The following ADRA1B variants were observed in gnomAD, a reference collection of about 807,000 sequenced individuals.
ADRA1B encodes alpha-1B adrenergic receptor.
In ADRA1B, 17 loss-of-function variants were observed where a neutral mutation model predicts 17.9. The observed-to-expected ratio is 0.95, with a 90% CI of 0.65 to 1.42. The LOEUF (loss-of-function observed/expected upper bound fraction) is 1.42, where lower values mean the gene tolerates loss of function less well. Among genes scored for constraint, ADRA1B ranks in the 40% most tolerant of loss-of-function variants. The pLI is 0.00. For missense variants in ADRA1B, 681 were observed against 722.1 expected (o/e 0.94, Z 0.65); for synonymous variants, 366 against 327.6 (o/e 1.12, Z -1.27).
At chr5:159,927,042 C>T (rs1375875530) in intron 1 of ADRA1B, among the ~76,000 whole-genome samples, 1 of 152,114 alleles carries the variant, frequency 6.6e-6, no homozygotes, top group African/African-American at 2.4e-5. Context: ...CAATCTGGGC[C>T]TGGTCATGAA....
At chr5:159,866,460 G>C (rs564078027) in intron 1 of ADRA1B, among the ~76,000 whole-genome samples, 12 of 152,066 alleles carry the variant, frequency 7.9e-5, no homozygotes, top group African/African-American at 2.9e-4. Context: ...GATAGCACAT[G>C]CCTGTAATCC....
chr5:159,895,795 G>A (rs1754035459), intron 1 of ADRA1B, among the ~76,000 whole-genome samples: 1 of 152,238 alleles, frequency 6.6e-6, no homozygotes, highest in Admixed American at 6.5e-5. Flanking sequence ...ACACCAAGCT[G>A]TGAGCTCCTG....
At chr5:159,980,152 G>C in the ADRA1B span, among the ~76,000 whole-genome samples, 16 of 152,148 alleles carry the variant, frequency 1.1e-4, no homozygotes, top group Admixed American at 1.0e-3. Context: ...CTGACAACTG[G>C]CCAGAAATGA....
intron 1 of ADRA1B, among the ~76,000 whole-genome samples, chr5:159,969,759 T>A (rs1042121852): frequency 2.6e-5 from 4 of 152,224 alleles, no homozygotes; most frequent in Admixed American, 2.0e-4. Flanking sequence ...CTAGAAAGTA[T>A]TCCATTTTTT....
At chr5:159,871,628 A>G (rs1175970214) in intron 1 of ADRA1B, among the ~76,000 whole-genome samples, 4 of 152,052 alleles carry the variant, frequency 2.6e-5, no homozygotes, top group Non-Finnish European at 4.4e-5. Context: ...ATCTAGAATC[A>G]TCTCATCTCA....
chr5:159,899,259 GAAGA>G (rs1275729535), intron 1 of ADRA1B, among the ~76,000 whole-genome samples: 25 of 136,268 alleles, frequency 1.8e-4, no homozygotes, highest in South Asian at 1.3e-3. Context: ...AGGAAGGAAG[GAAGA>G]AAGGAAGGAA....
intron 1 of ADRA1B, among the ~76,000 whole-genome samples, chr5:159,929,345 T>C (rs1467006053): frequency 6.6e-6 from 1 of 152,174 alleles, no homozygotes; most frequent in Non-Finnish European, 1.5e-5. Flanking sequence ...CTGATTTCTA[T>C]TGGTGACAAA....
At chr5:159,915,140 T>C (rs1303215272), upstream of ADRA1B, among the ~76,000 whole-genome samples, 1 of 152,222 alleles carries the variant, frequency 6.6e-6, no homozygotes, top group Admixed American at 6.5e-5. Context: ...CAGCTCCATC[T>C]ATAACAGTGG....
chr5:159,892,232 C>T (rs1485916107), intron 1 of ADRA1B, among the ~76,000 whole-genome samples: 1 of 152,194 alleles, frequency 6.6e-6, no homozygotes, highest in East Asian at 1.9e-4. Context: ...GCAAGACTCT[C>T]CTTCAGAAAA....
At chr5:159,927,779 A>C (rs566297772) in intron 1 of ADRA1B, among the ~76,000 whole-genome samples, 1 of 152,226 alleles carries the variant, frequency 6.6e-6, no homozygotes, top group Admixed American at 6.5e-5. Context: ...GTCCAATAGT[A>C]CACCAGTTTC....
chr5:159,881,232 G>A (rs113696520), intron 1 of ADRA1B, among the ~76,000 whole-genome samples: 1,734 of 149,458 alleles, frequency 0.012, 24 homozygotes, highest in Middle Eastern at 0.021. Flanking sequence ...AGGGATTCAG[G>A]TGACTCTAAA....
intron 1 of ADRA1B, among the ~76,000 whole-genome samples, chr5:159,962,310 G>A (rs995518175): frequency 6.6e-6 from 1 of 152,180 alleles, no homozygotes; most frequent in African/African-American, 2.4e-5. Context: ...GGGCTGCTGG[G>A]GGCTTAATAA....
At chr5:159,898,767 A>C (rs1165593896) in intron 1 of ADRA1B, among the ~76,000 whole-genome samples, 1 of 152,156 alleles carries the variant, frequency 6.6e-6, no homozygotes, top group African/African-American at 2.4e-5. Flanking sequence ...TGGAAGGGGG[A>C]TCCTTCTGAG....
chr5:159,924,617 G>A (rs923527353), intron 1 of ADRA1B, among the ~76,000 whole-genome samples: 4 of 152,274 alleles, frequency 2.6e-5, no homozygotes, highest in East Asian at 3.9e-4. Context: ...ACAGGATGAC[G>A]GGGCCAGTCG....
At chr5:159,934,348 G>C (rs555804768) in intron 1 of ADRA1B, among the ~76,000 whole-genome samples, 1 of 152,170 alleles carries the variant, frequency 6.6e-6, no homozygotes, top group Non-Finnish European at 1.5e-5. Context: ...GGCTCACCAA[G>C]TGATTCCCAG....
At chr5:159,909,369 G>T (rs983378215) in intron 1 of ADRA1B, among the ~76,000 whole-genome samples, 4 of 152,144 alleles carry the variant, frequency 2.6e-5, no homozygotes, top group African/African-American at 9.7e-5. Flanking sequence ...CCAAAGCTGG[G>T]CTCTAACACT....
chr5:159,869,190 G>T (rs1191880755), intron 1 of ADRA1B: 2 of 152,174 alleles, frequency 1.3e-5, no homozygotes, highest in Non-Finnish European at 2.9e-5. Flanking sequence ...AGTCCCCAGG[G>T]TTACAGAGCT....
chr5:159,910,848 A>G (rs1423415857), intron 1 of ADRA1B, among the ~76,000 whole-genome samples: 1 of 152,190 alleles, frequency 6.6e-6, no homozygotes, highest in Non-Finnish European at 1.5e-5. Context: ...CTGAAATGTC[A>G]GCTGTAAGGA....
chr5:159,895,354 C>T (rs749208528), intron 1 of ADRA1B, among the ~76,000 whole-genome samples: 8 of 152,198 alleles, frequency 5.3e-5, no homozygotes, highest in Non-Finnish European at 7.3e-5. Flanking sequence ...AGAGCAGCCA[C>T]CAGGAACTGT....
Sources: gnomAD v4.1 joint callset for allele counts (sites outside exome capture counted in the v4.1 genomes callset) on GRCh38, gnomAD v4.1.1 for gene constraint, MANE v1.5 for transcripts, NCBI Gene and HGNC (gene_info 2026-07-23, HGNC 2026-07-21) for gene names.